Variants in DPY19L3 observed in about 807,000 individuals in gnomAD.
DPY19L3 encodes the protein protein C-mannosyl-transferase DPY19L3.
A neutral mutation model predicts 92.3 loss-of-function variants in DPY19L3; 51 were observed. That is an observed-to-expected ratio of 0.55 (90% CI 0.44 to 0.70). The LOEUF is 0.70. Among genes scored for constraint, DPY19L3 ranks in the 30% least tolerant of loss-of-function variants. The pLI, the probability that DPY19L3 is intolerant of heterozygous loss-of-function variation, is 0.00. For synonymous variants in DPY19L3, 309 were observed against 315.2 expected, an observed-to-expected ratio of 0.98 and a Z score of 0.21; for missense variants, 706 against 855.9, an observed-to-expected ratio of 0.82 and a Z score of 2.18.
At chr19:32,456,617 A>T (rs1969874350) in intron 10 of DPY19L3, among the ~76,000 whole-genome samples, 1 of 151,688 alleles carries the variant, frequency 6.6e-6, no homozygotes, top group Non-Finnish European at 1.5e-5. Flanking sequence ...CAATTTTTGT[A>T]GAGATGGGAT....
intron 3 of DPY19L3, among the ~76,000 whole-genome samples, chr19:32,430,987 A>G (rs1217064928): frequency 6.6e-6 from 1 of 152,090 alleles, no homozygotes; most frequent in Non-Finnish European, 1.5e-5. Context: ...GTTAGGGGGA[A>G]GCAAAATGAG....
At chr19:32,445,087 A>C (rs188507019) in intron 8 of DPY19L3, among the ~76,000 whole-genome samples, 31 of 151,468 alleles carry the variant, frequency 2.0e-4, no homozygotes, top group Admixed American at 9.2e-4. Context: ...AAAAAAAAAA[A>C]AAAAACAAAA....
intron 3 of DPY19L3, among the ~76,000 whole-genome samples, chr19:32,426,869 C>T (rs1968781392): frequency 6.6e-6 from 1 of 152,180 alleles, no homozygotes. Context: ...GCATAGTTGC[C>T]ACTAAGTTTC....
At chr19:32,470,184 G>A (rs565392329) in intron 16 of DPY19L3, among the ~76,000 whole-genome samples, 44 of 152,336 alleles carry the variant, frequency 2.9e-4, no homozygotes, top group South Asian at 2.5e-3. Flanking sequence ...AGCACTAAGC[G>A]TTGCTTTGTC....
At position 32,482,263 on chromosome 19, in the gene DPY19L3, A is replaced by G. The variant is rs373585101; in HGVS notation, c.*23A>G. On this transcript the variant is annotated 3_prime_UTR_variant, in exon 19 of 19. Transcript: ENST00000392250. ...TAGCGCAGATTTCTGCCCAGTGTCT[A>G]TTTTTGATACGGAGAAACTGCATCA... 1.2e-5 allele frequency: 19 copies of G among 1,599,678 alleles called. No individual in the cohort carries two copies. Among genetic ancestry groups the G allele is most frequent in the Middle Eastern group, 3.3e-4 (2 of 5,978 alleles).
At chr19:32,479,538 T>C in intron 17 of DPY19L3, 1 of 393,496 alleles carries the variant, frequency 2.5e-6, no homozygotes, top group Non-Finnish European at 5.0e-6. Context: ...AGTAACAGCA[T>C]CCTACCTCCC....
intron 16 of DPY19L3, among the ~76,000 whole-genome samples, chr19:32,473,769 C>G (rs939053795): frequency 6.6e-6 from 1 of 152,186 alleles, no homozygotes; most frequent in Non-Finnish European, 1.5e-5. Flanking sequence ...CTACTGTCCT[C>G]AGAAGTCAGT....
intron 17 of DPY19L3, among the ~76,000 whole-genome samples, chr19:32,479,093 G>T (rs191960411): frequency 3.6e-4 from 55 of 152,222 alleles, no homozygotes; most frequent in African/African-American, 1.3e-3. Context: ...TCATGTTGGC[G>T]GTTGAAAAGT....
In DPY19L3 at chr19:32,414,622, G is replaced by A. The variant is rs569284076; in HGVS notation, c.237+3250G>A. ...AAAAAAAAAAGAAAGCTTGTAAAGC[G>A]ATTCCCTAGAATTAAACCATGTAGT... On this transcript the variant is annotated intron_variant, in intron 3 of 18. Coordinates refer to ENST00000392250, the MANE Select transcript of DPY19L3 (RefSeq NM_001172774.2). 5.3e-5 allele frequency among the ~76,000 whole-genome samples: 8 copies of A among 151,772 alleles called. No homozygotes were observed. In the East Asian group the frequency reaches 1.4e-3, roughly 26 times the overall value.
chr19:32,470,620 T>C (rs1483314099), intron 16 of DPY19L3, among the ~76,000 whole-genome samples: 1 of 152,154 alleles, frequency 6.6e-6, no homozygotes, highest in Non-Finnish European at 1.5e-5. Flanking sequence ...AAATAACATT[T>C]CTGGCTCTGA....
intron 14 of DPY19L3, 21 bp downstream of exon 14, chr19:32,464,001 C>T: frequency 2.0e-6 from 3 of 1,535,018 alleles, no homozygotes; most frequent in Non-Finnish European, 1.8e-6. Context: ...TCCCTTTTTC[C>T]ATCTCCTTTT....
chr19:32,428,838 T>TTTG (rs1190399357), intron 3 of DPY19L3, among the ~76,000 whole-genome samples: 1 of 151,704 alleles, frequency 6.6e-6, no homozygotes, highest in South Asian at 2.1e-4. Context: ...TTTTGTTTTT[T>TTTG]TTCTTGTTGT....
At chr19:32,467,991 T>A in intron 15 of DPY19L3, 1 of 984,994 alleles carries the variant, frequency 1.0e-6, no homozygotes. Flanking sequence ...ATTTAAATAT[T>A]ATTCTCTTTC....
Position 32,483,252 on chromosome 19 carries a change from T to A in DPY19L3, c.*1012T>A, listed in dbSNP as rs1970722657. On this transcript the variant is annotated 3_prime_UTR_variant, in exon 19 of 19. Transcript: ENST00000392250. ...CAGCATTTTCATACCAAGTTTGACTTGTGGTCTCCAATCTTACTGGGAAGG... is the reference window on the plus strand; with the variant it reads ...CAGCATTTTCATACCAAGTTTGACTAGTGGTCTCCAATCTTACTGGGAAGG... 1 of 152,538 alleles carries A rather than the reference T, an allele frequency of 6.6e-6. No homozygotes were observed. Among genetic ancestry groups the A allele is most frequent in the African/African-American group, 2.4e-5 (1 of 41,462 alleles). 9.4% of individuals were successfully genotyped at this position (152,538 alleles called of 1,614,324 possible).
At chr19:32,451,587 T>C (rs1242280993) in intron 8 of DPY19L3, among the ~76,000 whole-genome samples, 2 of 152,210 alleles carry the variant, frequency 1.3e-5, no homozygotes, top group Non-Finnish European at 2.9e-5. Context: ...GATTTGCTGC[T>C]AAATAAAACG....
chr19:32,432,690 AC>A (rs2145477807), intron 3 of DPY19L3, 25 bp from the exon 4 acceptor site: 1 of 1,604,398 alleles, frequency 6.2e-7, no homozygotes, highest in East Asian at 2.2e-5. Context: ...GGTCACATAA[AC>A]CCATAGGATC....
At chr19:32,438,729 C>T (rs1404094959) in intron 6 of DPY19L3, among the ~76,000 whole-genome samples, 1 of 151,944 alleles carries the variant, frequency 6.6e-6, no homozygotes, top group African/African-American at 2.4e-5. Context: ...ATATTTAAGA[C>T]TCAAGTATAA....
At chr19:32,449,942 C>T (rs1303019758) in intron 8 of DPY19L3, among the ~76,000 whole-genome samples, 1 of 152,110 alleles carries the variant, frequency 6.6e-6, no homozygotes, top group Admixed American at 6.5e-5. Context: ...CTGTTGTACT[C>T]AAAAGTGTGC....
intron 3 of DPY19L3, among the ~76,000 whole-genome samples, chr19:32,428,926 C>A (rs763773095): frequency 1.1e-4 from 16 of 151,916 alleles, no homozygotes; most frequent in Non-Finnish European, 2.4e-4. Flanking sequence ...CAGCTCACTG[C>A]AACCTCTGCC....
Sources: allele counts gnomAD v4.1 joint callset (sites outside exome capture counted in the v4.1 genomes callset), GRCh38; gene constraint gnomAD v4.1.1; transcripts MANE v1.5; gene names NCBI Gene and HGNC (gene_info 2026-07-23, HGNC 2026-07-21).